ZCWPW2: variants seen among roughly 807,000 people sequenced by gnomAD.
ZCWPW2 encodes zinc finger CW-type PWWP domain protein 2.
ZCWPW2 carries 45 observed loss-of-function variants against 46.6 expected under a neutral mutation model. The ratio of observed to expected loss-of-function variants is 0.96; its 90% CI spans 0.76 to 1.24. The LOEUF is 1.24. Ranked by LOEUF, ZCWPW2 falls within the 50% of genes most tolerant of loss-of-function variation. The pLI is 0.00. For missense variants in ZCWPW2, 429 were observed against 403.9 expected, an observed-to-expected ratio of 1.06 and a Z score of -0.53; for synonymous variants, 152 against 137.1, an observed-to-expected ratio of 1.11 and a Z score of -0.76.
chr3:28,459,403 A>G lies in ZCWPW2; in HGVS notation c.493-19411A>G, dbSNP rs1698546659. On this transcript the variant is annotated intron_variant, in intron 4 of 9. Transcript: ENST00000383768. ...AAAAAAAACAAAAAACAAAAAACGT[A>G]TTCTTGAAATCACTCTCCTTGGTAA... Among the ~76,000 whole-genome samples, 4 of 152,146 alleles carry G rather than the reference A, an allele frequency of 2.6e-5. No individual in the cohort carries two copies. The South Asian group carries it at 6.2e-4, about 24-fold the overall frequency.
chr3:28,352,951 A>T (rs1328668336), intron 1 of ZCWPW2, among the ~76,000 whole-genome samples: 1 of 152,160 alleles, frequency 6.6e-6, no homozygotes, highest in Non-Finnish European at 1.5e-5. Context: ...TGGGAGGCTG[A>T]GATGGGCCAA....
intron 3 of ZCWPW2, among the ~76,000 whole-genome samples, chr3:28,416,763 T>A (rs1391247213): frequency 1.1e-4 from 9 of 79,412 alleles, no homozygotes; most frequent in African/African-American, 4.5e-4. Context: ...TTCTGCATCT[T>A]TTGAGATAAT....
chr3:28,453,681 G>A (rs904103135), intron 4 of ZCWPW2, among the ~76,000 whole-genome samples: 3 of 151,930 alleles, frequency 2.0e-5, no homozygotes, highest in African/African-American at 7.2e-5. Context: ...GATTTTTTGT[G>A]TTGGGGTTCT....
chr3:28,498,006 A>G (rs2125821933), intron 6 of ZCWPW2, among the ~76,000 whole-genome samples: 1 of 152,158 alleles, frequency 6.6e-6, no homozygotes, highest in Non-Finnish European at 1.5e-5. Context: ...TATCCCGTGA[A>G]CTATAAGATA....
At chr3:28,510,964 T>C (rs1297172726) in intron 6 of ZCWPW2, 3 of 431,448 alleles carry the variant, frequency 7.0e-6, no homozygotes, top group African/African-American at 2.0e-5. Flanking sequence ...GGGAACCAGA[T>C]TGAGTCTCTA....
intron 5 of ZCWPW2, among the ~76,000 whole-genome samples, chr3:28,482,782 G>A (rs1470845794): frequency 1.3e-5 from 2 of 152,032 alleles, no homozygotes; most frequent in Non-Finnish European, 2.9e-5. Context: ...ATACTTATTT[G>A]CCACCTTTCT....
intron 5 of ZCWPW2, among the ~76,000 whole-genome samples, chr3:28,491,563 A>C (rs1416315698): frequency 6.6e-6 from 1 of 152,006 alleles, no homozygotes; most frequent in Admixed American, 6.6e-5. Flanking sequence ...AGTGGTCCCA[A>C]ATGGAGACGG....
At position 28,524,857 on chromosome 3, in the gene ZCWPW2, G is replaced by A. The variant is rs146137482; in HGVS notation, c.*169G>A. ...AGAATGGCCATGATTTTTAGAGCCA[G>A]TCAAATGGTATTTAAGTTAGTGTTA... is the stretch of plus-strand genomic sequence containing the variant. On this transcript the variant is annotated 3_prime_UTR_variant, in exon 10 of 10. Transcript: ENST00000383768. 5.3e-3 allele frequency: 2,531 copies of A among 481,854 alleles called. 69 individuals carry two copies. The highest frequency in any genetic ancestry group is 0.046 in the African/African-American group (2,281 of 49,476). The allele number at this position is 481,854 out of a possible 1,614,324, so 29.8% of individuals were successfully genotyped here. A position where few individuals can be genotyped will look rare whatever the true frequency, so the allele number is the denominator to read the frequency against.
chr3:28,439,423 AGGGT>A (rs1349241103), intron 4 of ZCWPW2, among the ~76,000 whole-genome samples: 3 of 152,096 alleles, frequency 2.0e-5, no homozygotes, highest in Non-Finnish European at 4.4e-5. Flanking sequence ...CACCCAATTA[AGGGT>A]GGCTCTGCCT....
In ZCWPW2 at chr3:28,349,276, T is replaced by C. The variant is rs574223984; in HGVS notation, c.-134+73T>C. 1.9e-5 allele frequency: 17 copies of C among 902,680 alleles called. 1 individual carries two copies. The South Asian group carries it at 7.1e-4, about 38-fold the overall frequency. The allele number at this position is 902,680 out of a possible 1,614,324, so 55.9% of individuals were successfully genotyped here. On this transcript the variant is annotated intron_variant, in intron 1 of 9. Coordinates refer to ENST00000383768, the MANE Select transcript of ZCWPW2 (RefSeq NM_001040432.4). ...CAGGGGCGCCCTCTGGTGCGTCTTT[T>C]TCACTCAGTGTCCTTTTGGGGGGTC... is the stretch of plus-strand genomic sequence containing the variant.
chr3:28,507,710 C>T, intron 6 of ZCWPW2, among the ~76,000 whole-genome samples: 1 of 152,076 alleles, frequency 6.6e-6, no homozygotes, highest in Non-Finnish European at 1.5e-5. Flanking sequence ...ATAAATGTTT[C>T]AGGCTTGGAA....
intron 4 of ZCWPW2, among the ~76,000 whole-genome samples, chr3:28,458,588 C>G (rs368455820): frequency 1.3e-5 from 2 of 152,080 alleles, no homozygotes; most frequent in Non-Finnish European, 2.9e-5. Flanking sequence ...GACTCAAGCC[C>G]AGATCTTATG....
intron 2 of ZCWPW2, among the ~76,000 whole-genome samples, chr3:28,399,783 C>T (rs1362216600): frequency 1.3e-5 from 2 of 152,142 alleles, no homozygotes; most frequent in African/African-American, 4.8e-5. Context: ...TGAGCAACAG[C>T]AATTAACCCT....
chr3:28,498,157 G>A (rs1255880998), intron 6 of ZCWPW2, among the ~76,000 whole-genome samples: 2 of 151,810 alleles, frequency 1.3e-5, no homozygotes, highest in African/African-American at 4.8e-5. Context: ...GTACCCAGCT[G>A]ATGGTGTTAC....
chr3:28,506,640 T>C (rs547395218), intron 6 of ZCWPW2, among the ~76,000 whole-genome samples: 3 of 152,258 alleles, frequency 2.0e-5, no homozygotes, highest in Admixed American at 1.3e-4. Flanking sequence ...TGAGATCATC[T>C]TGGAGATGGT....
intron 5 of ZCWPW2, among the ~76,000 whole-genome samples, chr3:28,480,458 T>G (rs1282507060): frequency 6.6e-6 from 1 of 152,180 alleles, no homozygotes; most frequent in Non-Finnish European, 1.5e-5. Context: ...ATGGTGGATA[T>G]TAGACCTTTG....
intron 4 of ZCWPW2, among the ~76,000 whole-genome samples, chr3:28,454,523 A>G (rs1698352345): frequency 6.6e-6 from 1 of 152,088 alleles, no homozygotes; most frequent in Admixed American, 6.6e-5. Flanking sequence ...TAGGATGTGC[A>G]CGTTTGTTAC....
chr3:28,477,923 G>A (rs769535234), intron 4 of ZCWPW2, among the ~76,000 whole-genome samples: 26 of 151,864 alleles, frequency 1.7e-4, no homozygotes, highest in Non-Finnish European at 3.4e-4. Flanking sequence ...AACATTATTG[G>A]ACTAGGTCAA....
rs1221840036 is a variant in ZCWPW2 at position 28,478,918 on chromosome 3, A to G, written c.597A>G (p.Leu199=). Residue 199 remains leucine (L), a synonymous_variant, in exon 5 of 10, where the codon CTA becomes CTG. Transcript: ENST00000383768. ...SHEQRLEMCC[L]SKLQDKSETH... ...AGCAAAGACTGGAAATGTGCTGCCTATCAAAACTACAAGGTGTATAAATAT... is the reference window on the plus strand; with the variant it reads ...AGCAAAGACTGGAAATGTGCTGCCTGTCAAAACTACAAGGTGTATAAATAT... 3 of 1,577,540 alleles carry G rather than the reference A, an allele frequency of 1.9e-6. No individual in the cohort carries two copies. The highest frequency in any genetic ancestry group is 2.6e-6 in the Non-Finnish European group (3 of 1,164,838).
Sources: allele counts gnomAD v4.1 joint callset (sites outside exome capture counted in the v4.1 genomes callset), GRCh38; gene constraint gnomAD v4.1.1; transcripts MANE v1.5; gene names NCBI Gene and HGNC (gene_info 2026-07-23, HGNC 2026-07-21).